Variants in SLC44A5 observed in about 807,000 individuals in gnomAD.
SLC44A5 encodes choline transporter-like protein 5.
A neutral mutation model predicts 101.8 loss-of-function variants in SLC44A5; 57 were observed. The ratio of observed to expected loss-of-function variants is 0.56; its 90% confidence interval spans 0.45 to 0.70. The LOEUF (loss-of-function observed/expected upper bound fraction) is 0.70, where lower values mean the gene tolerates loss of function less well. Among genes scored for constraint, SLC44A5 ranks in the 30% least tolerant of loss-of-function variants. The pLI is 0.00. For missense variants in SLC44A5, 737 were observed against 853.1 expected, an observed-to-expected ratio of 0.86 and a Z score of 1.70; for synonymous variants, 281 against 290.9, an observed-to-expected ratio of 0.97 and a Z score of 0.35.
intron 11 of SLC44A5, among the ~76,000 whole-genome samples, chr1:75,235,534 G>T (rs1355525084): frequency 1.3e-5 from 2 of 151,888 alleles, no homozygotes; most frequent in African/African-American, 4.8e-5. Flanking sequence ...AAATACTGTC[G>T]AGAATAGACT....
intron 1 of SLC44A5, among the ~76,000 whole-genome samples, chr1:75,543,171 A>G (rs1353663519): frequency 6.6e-6 from 1 of 152,198 alleles, no homozygotes; most frequent in African/African-American, 2.4e-5. Context: ...TTAATGTCTT[A>G]TAAATACTCA....
intron 2 of SLC44A5, among the ~76,000 whole-genome samples, chr1:75,443,804 T>C (rs1665345213): frequency 6.6e-6 from 1 of 151,928 alleles, no homozygotes; most frequent in Non-Finnish European, 1.5e-5. Context: ...TAAACATAGA[T>C]ACAAAAATTC....
chr1:75,714,463 A>G, the SLC44A5 span, among the ~76,000 whole-genome samples: 5 of 152,274 alleles, frequency 3.3e-5, no homozygotes, highest in African/African-American at 1.2e-4. Flanking sequence ...ACTCCTATTC[A>G]ACACAGTACT....
At chr1:75,204,798 C>T (rs1233634447) in intron 23 of SLC44A5, 1 of 152,100 alleles carries the variant, frequency 6.6e-6, no homozygotes, top group African/African-American at 2.4e-5. Flanking sequence ...AATTTTTCAA[C>T]TTTTATGTGT....
At chr1:75,678,043 C>T in the SLC44A5 span, among the ~76,000 whole-genome samples, 26 of 152,326 alleles carry the variant, frequency 1.7e-4, no homozygotes, top group East Asian at 5.8e-4. Flanking sequence ...CCAAATACTG[C>T]GCTTTTCCAA....
chr1:75,540,282 A>G (rs928990628), intron 2 of SLC44A5, among the ~76,000 whole-genome samples: 9 of 152,328 alleles, frequency 5.9e-5, no homozygotes, highest in African/African-American at 2.2e-4. Flanking sequence ...AAACAAATCT[A>G]AAATTCTAAA....
intron 2 of SLC44A5, among the ~76,000 whole-genome samples, chr1:75,469,751 T>G (rs1374295527): frequency 6.6e-6 from 1 of 151,712 alleles, no homozygotes; most frequent in Non-Finnish European, 1.5e-5. Context: ...TAAGTAAATA[T>G]TATCTGGGCA....
chr1:75,210,478 C>T (rs968186935), intron 23 of SLC44A5, among the ~76,000 whole-genome samples: 7 of 152,152 alleles, frequency 4.6e-5, no homozygotes, highest in African/African-American at 1.7e-4. Flanking sequence ...CAAAATTAAT[C>T]CAACTATTTC....
At chr1:75,215,528 T>C (rs1180775919) in intron 19 of SLC44A5, among the ~76,000 whole-genome samples, 1 of 152,112 alleles carries the variant, frequency 6.6e-6, no homozygotes, top group Non-Finnish European at 1.5e-5. Flanking sequence ...TGTGTAATAT[T>C]TTTTTCTCTC....
At chr1:75,367,375 C>A (rs1432841728) in intron 3 of SLC44A5, among the ~76,000 whole-genome samples, 6 of 152,120 alleles carry the variant, frequency 3.9e-5, no homozygotes, top group Non-Finnish European at 4.4e-5. Flanking sequence ...GTCTCTGATA[C>A]CTTGGTCAGT....
the SLC44A5 span, among the ~76,000 whole-genome samples, chr1:75,678,067 C>T: frequency 1.8e-4 from 27 of 152,334 alleles, no homozygotes; most frequent in African/African-American, 6.0e-4. Flanking sequence ...GCTTAGAAAA[C>T]GGCGCACCAC....
chr1:75,723,449 G>A, the SLC44A5 span, among the ~76,000 whole-genome samples: 20 of 152,212 alleles, frequency 1.3e-4, no homozygotes, highest in African/African-American at 4.6e-4. Flanking sequence ...ATGGTGGCAG[G>A]AACTACCGAC....
At chr1:75,336,688 C>CTT (rs1010209978) in intron 4 of SLC44A5, among the ~76,000 whole-genome samples, 2 of 152,066 alleles carry the variant, frequency 1.3e-5, no homozygotes, top group Non-Finnish European at 2.9e-5. Context: ...ATTTTAATGA[C>CTT]TTTGACCTAA....
At chr1:75,574,311 A>G (rs1192082529) in intron 1 of SLC44A5, among the ~76,000 whole-genome samples, 1 of 152,190 alleles carries the variant, frequency 6.6e-6, no homozygotes, top group East Asian at 1.9e-4. Context: ...ATTATTTAGT[A>G]AATGATCTAA....
intron 3 of SLC44A5, among the ~76,000 whole-genome samples, chr1:75,391,051 A>G (rs1040401601): frequency 1.3e-5 from 2 of 152,288 alleles, no homozygotes; most frequent in African/African-American, 4.8e-5. Flanking sequence ...CAGCAGTAAC[A>G]TTCAAGCTGA....
intron 5 of SLC44A5, among the ~76,000 whole-genome samples, chr1:75,297,805 C>A (rs1654083633): frequency 3.3e-5 from 5 of 152,176 alleles, no homozygotes; most frequent in Admixed American, 3.3e-4. Flanking sequence ...TCTACCCAGA[C>A]GCCACTTCAT....
chr1:75,481,638 A>G (rs201515637), intron 2 of SLC44A5, among the ~76,000 whole-genome samples: 40,477 of 150,806 alleles, frequency 0.27, 6,857 homozygotes, highest in East Asian at 0.79. Flanking sequence ...TATGCAGCCA[A>G]CAGACACATG....
At chr1:75,412,001 G>A (rs898561767) in intron 2 of SLC44A5, among the ~76,000 whole-genome samples, 2 of 152,096 alleles carry the variant, frequency 1.3e-5, no homozygotes, top group Admixed American at 1.3e-4. Context: ...AACTCCAAAT[G>A]AGTTGAGAAT....
At chr1:75,542,941 A>G (rs1399678204) in intron 1 of SLC44A5, among the ~76,000 whole-genome samples, 1 of 152,180 alleles carries the variant, frequency 6.6e-6, no homozygotes, top group African/African-American at 2.4e-5. Context: ...AAGATCTATC[A>G]ACCACTAGTT....
Sources: gnomAD v4.1 joint callset for allele counts (sites outside exome capture counted in the v4.1 genomes callset) on GRCh38, gnomAD v4.1.1 for gene constraint, MANE v1.5 for transcripts, NCBI Gene and HGNC (gene_info 2026-07-23, HGNC 2026-07-21) for gene names.